IRS2: variants seen among roughly 807,000 people sequenced by gnomAD.
The protein encoded by IRS2 is insulin receptor substrate 2.
In IRS2, 28 loss-of-function variants were observed where a neutral mutation model predicts 70.9. The observed-to-expected ratio is 0.39, with a 90% CI of 0.29 to 0.54. The LOEUF is 0.54. Ranked by LOEUF, IRS2 falls within the 20% of genes least tolerant of loss-of-function variation. The pLI is 0.59. For missense variants in IRS2, 2,081 were observed against 2,024.1 expected, an observed-to-expected ratio of 1.03 and a Z score of -0.54; for synonymous variants, 1,217 against 981.9, an observed-to-expected ratio of 1.24 and a Z score of -4.48.
chr13:109,771,728 A>T (rs7323191), intron 1 of IRS2, among the ~76,000 whole-genome samples: 28,765 of 152,026 alleles, frequency 0.19, 3,113 homozygotes, highest in African/African-American at 0.3. Context: ...TTATTTTTTT[A>T]AAATGCACCA....
intron 1 of IRS2, among the ~76,000 whole-genome samples, chr13:109,774,134 A>G (rs1214101571): frequency 1.3e-5 from 2 of 152,152 alleles, no homozygotes; most frequent in East Asian, 1.9e-4. Flanking sequence ...GTTTTAATGT[A>G]TTTGATGGTG....
chr13:109,770,411 C>G (rs770442845), intron 1 of IRS2, among the ~76,000 whole-genome samples: 1 of 152,234 alleles, frequency 6.6e-6, no homozygotes, highest in Non-Finnish European at 1.5e-5. Flanking sequence ...AAGCTGACAT[C>G]TAGGAATCGG....
intron 1 of IRS2, among the ~76,000 whole-genome samples, chr13:109,767,271 C>T (rs546448555): frequency 9.9e-5 from 15 of 152,248 alleles, no homozygotes; most frequent in East Asian, 5.8e-4. Flanking sequence ...CCTGTCCAGG[C>T]GGGCCACACC....
Position 109,784,918 on chromosome 13 carries a change from C to T in IRS2, c.1136G>A (p.Gly379Asp). 1 of 1,042,796 alleles carries T rather than the reference C, an allele frequency of 9.6e-7. No homozygotes were observed. The highest frequency in any genetic ancestry group is 1.2e-6 in the Non-Finnish European group (1 of 869,492). The allele number at this position is 1,042,796 out of a possible 1,614,324, so 64.6% of individuals were successfully genotyped here. Residue 379 changes from glycine (G) to aspartate (D), a missense_variant, in exon 1 of 2, where the codon GGC (glycine) becomes GAC (aspartate). Physicochemically the swap from Gly to Asp is moderately conservative, Grantham distance 94. This residue lies in a region of IRS2 where 1,615 missense variants were observed against 1,459.5 expected (regional missense o/e 1.11). Coordinates refer to ENST00000375856, the MANE Select transcript of IRS2 (RefSeq NM_003749.3). The surrounding 1 kb of genome is among the most constrained non-coding windows in gnomAD (Gnocchi z 5.2). ...CCCAGCCACCGACACCGGCCTGGCG[C>T]CCGCGGCCGCCGCTCCCGCCGCCGC... ...GGAAAGAAAAGARPVSVAGSP... is the reference protein window; with the variant it reads ...GGAAAGAAAADARPVSVAGSP...
chr13:109,772,851 G>T (rs1042743708), intron 1 of IRS2, among the ~76,000 whole-genome samples: 2 of 151,512 alleles, frequency 1.3e-5, no homozygotes. Context: ...GCCCGCCACC[G>T]CACCCGGCTA....
At chr13:109,756,354 G>A in intron 1 of IRS2, 46 bp from the exon 2 acceptor site, 1 of 1,594,558 alleles carries the variant, frequency 6.3e-7, no homozygotes, top group East Asian at 2.2e-5. Context: ...CAGGAGAACA[G>A]AGCAATCTCT....
intron 1 of IRS2, among the ~76,000 whole-genome samples, chr13:109,765,410 G>C (rs528475750): frequency 6.6e-6 from 1 of 152,102 alleles, no homozygotes; most frequent in Non-Finnish European, 1.5e-5. Flanking sequence ...TCCCCAACAA[G>C]CATGTAGATA....
At position 109,784,796 on chromosome 13, in the gene IRS2, G is replaced by A; in HGVS notation, c.1258C>T (p.Pro420Ser). The A allele has an allele frequency of 7.9e-7, 1 of 1,266,872 alleles. No homozygotes were observed. Among genetic ancestry groups the A allele is most frequent in the Non-Finnish European group, 1.0e-6 (1 of 1,001,728 alleles). 78.5% of individuals were successfully genotyped at this position (1,266,872 alleles called of 1,614,324 possible). Residue 420 changes from proline (P) to serine (S), a missense_variant, in exon 1 of 2, where the codon CCG becomes TCG. Physicochemically the swap from Pro to Ser is moderately conservative, Grantham distance 74. Transcript: ENST00000375856. The surrounding 1 kb of genome is among the most constrained non-coding windows in gnomAD (Gnocchi z 5.2). ...GGRGSKVALL[P>S]AGGALQHSRS... Reference sequence around the variant, plus strand: ...CTGTGTTGCAGCGCGCCCCCTGCCGGCAGCAGCGCCACCTTGCTCCCGCGG... The same window carrying A: ...CTGTGTTGCAGCGCGCCCCCTGCCGACAGCAGCGCCACCTTGCTCCCGCGG...
At chr13:109,757,510 G>C (rs753603128) in intron 1 of IRS2, among the ~76,000 whole-genome samples, 9 of 152,060 alleles carry the variant, frequency 5.9e-5, no homozygotes, top group Non-Finnish European at 4.4e-5. Context: ...CTGAAGCTGA[G>C]AGTGAGTCCC....
rs1177596435 is a variant in IRS2, at chr13:109,783,723, C to T, written c.2331G>A (p.Thr777=). 6.3e-7 allele frequency: 1 copy of T among 1,577,086 alleles called. No individual in the cohort carries two copies. Among genetic ancestry groups the T allele is most frequent in the Non-Finnish European group, 8.6e-7 (1 of 1,161,572 alleles). Residue 777 remains threonine, a synonymous_variant, in exon 1 of 2, where the codon ACG becomes ACA. Coordinates refer to ENST00000375856, the MANE Select transcript of IRS2 (RefSeq NM_003749.3). ...CGGAGAAGAAGTCGGGCGGGGTGCC[C>T]GTGGTGACCGCGTCGCTGGGGGACA... ...LNVSPSDAVT[T]GTPPDFFSAA... is the part of the protein sequence containing the mutation.
At chr13:109,759,381 A>G (rs189788894) in intron 1 of IRS2, among the ~76,000 whole-genome samples, 5 of 152,212 alleles carry the variant, frequency 3.3e-5, no homozygotes. Flanking sequence ...GCTCGCGGTG[A>G]TTTAAACAGA....
intron 1 of IRS2, among the ~76,000 whole-genome samples, chr13:109,778,180 G>A (rs911223765): frequency 1.3e-5 from 2 of 152,184 alleles, no homozygotes; most frequent in African/African-American, 2.4e-5. Flanking sequence ...TTGTGACACA[G>A]AAAGGGGAGG....
intron 1 of IRS2, among the ~76,000 whole-genome samples, chr13:109,769,619 G>T (rs1877409653): frequency 6.6e-6 from 1 of 152,130 alleles, no homozygotes; most frequent in African/African-American, 2.4e-5. Flanking sequence ...CATTGCTAGA[G>T]CATTTCACCA....
chr13:109,757,559 G>A (rs182681089), intron 1 of IRS2, among the ~76,000 whole-genome samples: 43 of 152,162 alleles, frequency 2.8e-4, no homozygotes, highest in African/African-American at 9.2e-4. Context: ...GGCACTACAT[G>A]CTATAGCCCC....
In IRS2 at chr13:109,786,092, C is replaced by G. The variant is rs1386424328; in HGVS notation, c.-39G>C. 3 of 1,025,578 alleles carry G rather than the reference C, an allele frequency of 2.9e-6. No homozygotes were observed. The highest frequency in any genetic ancestry group is 5.9e-5 in the Admixed American group (1 of 16,972). The allele number at this position is 1,025,578 out of a possible 1,614,324, so 63.5% of individuals were successfully genotyped here. A position where few individuals can be genotyped will look rare whatever the true frequency, so the allele number is the denominator to read the frequency against. On this transcript the variant is annotated 5_prime_UTR_variant, in exon 1 of 2. Transcript: ENST00000375856. This position sits in a 1 kb window ranked among gnomAD's most constrained non-coding sequence, Gnocchi z 4.4. ...GGCCGCGCGGCCCGGGCCCGGCGCC[C>G]AGGGGTTGGGGCGAGGGGCGGAGGG... is the stretch of plus-strand genomic sequence containing the variant.
At position 109,782,391 on chromosome 13, in the gene IRS2, G is replaced by A. The variant is rs976347854; in HGVS notation, c.3663C>T (p.Thr1221=). 1.2e-6 allele frequency: 2 copies of A among 1,609,766 alleles called. No homozygotes were observed. Among genetic ancestry groups the A allele is most frequent in the Non-Finnish European group, 1.7e-6 (2 of 1,178,526 alleles). The change falls in exon 1 of 2, where the codon ACC becomes ACT. Residue 1221 remains threonine, a synonymous_variant. Coordinates refer to ENST00000375856, the MANE Select transcript of IRS2 (RefSeq NM_003749.3). ...CGACCAAGCCCCCGGGCTGACCCGG[G>A]GTCCACGGCCGGCCCTGCGGTGCCA... ...PPLAPQGRPW[T]PGQPGGLVGC... is the part of the protein sequence containing the mutation.
At chr13:109,756,616 AAAG>A (rs1414317501) in intron 1 of IRS2, among the ~76,000 whole-genome samples, 1 of 152,214 alleles carries the variant, frequency 6.6e-6, no homozygotes, top group African/African-American at 2.4e-5. Context: ...CAAGATAGAA[AAAG>A]AAGGGCCAGT....
rs1019303432 is a variant in IRS2, at chr13:109,786,239, G to C, written c.-186C>G. ...CCCGCGGGGGCCAGCACCGCTCGGC[G>C]GCGCCGCGCCCTCCGCGCTCTGGGG... On this transcript the variant is annotated 5_prime_UTR_variant, in exon 1 of 2. Coordinates refer to ENST00000375856, the MANE Select transcript of IRS2 (RefSeq NM_003749.3). This position sits in a 1 kb window ranked among gnomAD's most constrained non-coding sequence, Gnocchi z 4.4. 2.3e-5 allele frequency: 4 copies of C among 170,938 alleles called. 1 individual carries two copies. Among genetic ancestry groups the C allele is most frequent in the African/African-American group, 9.7e-5 (4 of 41,322 alleles). The allele number at this position is 170,938 out of a possible 1,614,324, so 10.6% of individuals were successfully genotyped here. A position where few individuals can be genotyped will look rare whatever the true frequency, so the allele number is the denominator to read the frequency against.
At position 109,783,805 on chromosome 13, in the gene IRS2, T is replaced by C. The variant is rs1193303349; in HGVS notation, c.2249A>G (p.Lys750Arg). ...SGYMRMWCGSKLSMEHADGKL... is the reference protein window; with the variant it reads ...SGYMRMWCGSRLSMEHADGKL... ...GCCATCTGCATGCTCCATGGACAGC[T>C]TGGAACCGCACCACATGCGCATGTA... The change falls in exon 1 of 2, where the codon AAG (lysine) becomes AGG (arginine). Residue 750 changes from lysine to arginine, a missense_variant. Lys to Arg is a conservative substitution (Grantham distance 26). Around this residue, in one of 4 missense-constraint regions of IRS2, gnomAD observed 1,615 missense variants for 1,459.5 expected, o/e 1.11. Coordinates refer to ENST00000375856, the MANE Select transcript of IRS2 (RefSeq NM_003749.3). 6 of 1,596,066 alleles carry C rather than the reference T, an allele frequency of 3.8e-6. No individual in the cohort carries two copies. The highest frequency in any genetic ancestry group is 2.7e-5 in the African/African-American group (2 of 74,514).
Sources: gnomAD v4.1 joint callset for allele counts (sites outside exome capture counted in the v4.1 genomes callset) on GRCh38, gnomAD v4.1.1 for gene constraint, gnomAD v4.1.1 regional missense constraint, Gnocchi (gnomAD v3.1) non-coding constraint, MANE v1.5 for transcripts, NCBI Gene and HGNC (gene_info 2026-07-23, HGNC 2026-07-21) for gene names.